Variants in OSBPL9 observed in about 807,000 individuals in gnomAD.
The protein encoded by OSBPL9 is oxysterol-binding protein-related protein 9.
OSBPL9 carries 40 observed loss-of-function variants against 106.6 expected under a neutral mutation model. The observed-to-expected ratio is 0.38, with a 90% CI of 0.29 to 0.49. The LOEUF (loss-of-function observed/expected upper bound fraction) is 0.49, where lower values mean the gene tolerates loss of function less well. Ranked by LOEUF, OSBPL9 falls within the 20% of genes least tolerant of loss-of-function variation. The pLI, the probability that OSBPL9 is intolerant of heterozygous loss-of-function variation, is 0.97. For missense variants in OSBPL9, 609 were observed against 887.2 expected, an observed-to-expected ratio of 0.69 and a Z score of 3.98; for synonymous variants, 269 against 295.4, an observed-to-expected ratio of 0.91 and a Z score of 0.92.
chr1:51,783,544 GAGGGTCAACTGTACATACCC>G (rs1050043830), intron 17 of OSBPL9, among the ~76,000 whole-genome samples: 22 of 152,098 alleles, frequency 1.4e-4, no homozygotes, highest in African/African-American at 5.3e-4. Flanking sequence ...CATGGATATG[GAGGGTCAACTGTACATACCC>G]TCAACATCTG....
chr1:51,687,232 A>G (rs962547919), intron 3 of OSBPL9, among the ~76,000 whole-genome samples: 2 of 152,196 alleles, frequency 1.3e-5, no homozygotes, highest in African/African-American at 4.8e-5. Context: ...ATGGAGTGCT[A>G]TTCAGGGGGT....
intron 7 of OSBPL9, among the ~76,000 whole-genome samples, chr1:51,748,626 G>A (rs986012706): frequency 1.3e-5 from 2 of 151,966 alleles, no homozygotes; most frequent in Admixed American, 1.3e-4. Flanking sequence ...CCTGTTTCTG[G>A]TCTCGTTTGA....
At chr1:51,681,884 G>A (rs2148801558) in intron 3 of OSBPL9, among the ~76,000 whole-genome samples, 2 of 152,276 alleles carry the variant, frequency 1.3e-5, no homozygotes, top group Middle Eastern at 3.4e-3. Flanking sequence ...TGTGTAAATA[G>A]TTATCATACT....
the OSBPL9 span, among the ~76,000 whole-genome samples, chr1:51,526,449 C>A: frequency 2.0e-5 from 3 of 152,166 alleles, no homozygotes; most frequent in African/African-American, 7.2e-5. Context: ...TCTGGAGATT[C>A]TCTTTTTTGT....
At chr1:51,643,383 T>G (rs1488454832) in intron 1 of OSBPL9, among the ~76,000 whole-genome samples, 1 of 152,182 alleles carries the variant, frequency 6.6e-6, no homozygotes, top group African/African-American at 2.4e-5. Flanking sequence ...GCTTCCCTCC[T>G]CAGGGAACTG....
intron 2 of OSBPL9, among the ~76,000 whole-genome samples, chr1:51,653,958 T>C (rs1646671395): frequency 1.3e-5 from 2 of 151,312 alleles, no homozygotes; most frequent in South Asian, 4.2e-4. Context: ...GCCATAATTG[T>C]GCCACTGCCT....
intron 14 of OSBPL9, among the ~76,000 whole-genome samples, chr1:51,774,942 G>A (rs1674717780): frequency 6.6e-6 from 1 of 151,916 alleles, no homozygotes; most frequent in Non-Finnish European, 1.5e-5. Context: ...CAGTTCCTTT[G>A]TCCATTTATC....
At chr1:51,643,023 G>A (rs1645905762) in intron 1 of OSBPL9, among the ~76,000 whole-genome samples, 1 of 152,222 alleles carries the variant, frequency 6.6e-6, no homozygotes, top group South Asian at 2.1e-4. Flanking sequence ...CATGGTTTTA[G>A]CAGCTGGAAG....
intron 1 of OSBPL9, among the ~76,000 whole-genome samples, chr1:51,634,199 A>G (rs1041786818): frequency 6.6e-5 from 10 of 152,060 alleles, no homozygotes; most frequent in Admixed American, 5.9e-4. Flanking sequence ...TGGGCCCTCT[A>G]TTAGTCTTTG....
At chr1:51,677,063 G>A (rs1464734951) in intron 3 of OSBPL9, among the ~76,000 whole-genome samples, 1 of 152,212 alleles carries the variant, frequency 6.6e-6, no homozygotes, top group African/African-American at 2.4e-5. Flanking sequence ...AAGTGGCAGA[G>A]CCAAGATTCG....
intron 3 of OSBPL9, among the ~76,000 whole-genome samples, chr1:51,700,254 C>T (rs773736611): frequency 6.6e-6 from 1 of 152,180 alleles, no homozygotes; most frequent in Non-Finnish European, 1.5e-5. Context: ...CTTCCTCTTG[C>T]TTTGGGCTCT....
At chr1:51,675,701 T>C (rs1651019529) in intron 3 of OSBPL9, among the ~76,000 whole-genome samples, 1 of 152,206 alleles carries the variant, frequency 6.6e-6, no homozygotes, top group Non-Finnish European at 1.5e-5. Flanking sequence ...TGAAAAGTAG[T>C]TGCACATTAG....
At chr1:51,685,086 T>G (rs1392843414) in intron 3 of OSBPL9, among the ~76,000 whole-genome samples, 1 of 152,146 alleles carries the variant, frequency 6.6e-6, no homozygotes, top group South Asian at 2.1e-4. Context: ...GTACTCAATT[T>G]ATTCCCTTCT....
the OSBPL9 span, among the ~76,000 whole-genome samples, chr1:51,552,801 T>A: frequency 6.6e-6 from 1 of 151,968 alleles, no homozygotes; most frequent in Non-Finnish European, 1.5e-5. Flanking sequence ...ATTTTTTTAT[T>A]TTTAGTAGAG....
intron 8 of OSBPL9, 22 bp downstream of exon 8, chr1:51,750,217 T>C (rs755121952): frequency 1.3e-6 from 2 of 1,582,940 alleles, no homozygotes; most frequent in Non-Finnish European, 1.7e-6. Flanking sequence ...TTACTTTCAA[T>C]TACCTTTGTG....
At chr1:51,761,071 C>G (rs552244798) in intron 10 of OSBPL9, among the ~76,000 whole-genome samples, 80 of 152,306 alleles carry the variant, frequency 5.3e-4, no homozygotes, top group African/African-American at 1.8e-3. Flanking sequence ...ACTCAGAATT[C>G]ATGGCTAGCG....
intron 8 of OSBPL9, among the ~76,000 whole-genome samples, chr1:51,753,852 C>T (rs1399456441): frequency 6.6e-6 from 1 of 152,174 alleles, no homozygotes; most frequent in South Asian, 2.1e-4. Flanking sequence ...GTTCTGATTC[C>T]TGGCTCCCAT....
Position 51,783,925 on chromosome 1 carries a change from T to C in OSBPL9, c.1524T>C (p.Phe508=). 6.2e-7 allele frequency: 1 copy of C among 1,611,978 alleles called. No homozygotes were observed. Among genetic ancestry groups the C allele is most frequent in the South Asian group, 1.1e-5 (1 of 91,024 alleles). The part of the protein sequence containing the change: ...QVSHHPPISA[F]YAECFNKKIQ... The stretch of plus-strand genomic sequence containing the variant: ...AAAATTTCTATTCAGTTTCAGCCTT[T>C]TATGCTGAGTGTTTTAACAAGAAGA... Residue 508 remains phenylalanine, a synonymous_variant, in exon 18 of 24, where the codon TTT becomes TTC. Transcript: ENST00000428468.
At chr1:51,654,917 C>T (rs969221495) in intron 2 of OSBPL9, among the ~76,000 whole-genome samples, 22 of 151,826 alleles carry the variant, frequency 1.4e-4, no homozygotes, top group African/African-American at 4.8e-4. Context: ...GTTGGGAGTA[C>T]GGGAGATGGG....
Sources: allele counts gnomAD v4.1 joint callset (sites outside exome capture counted in the v4.1 genomes callset), GRCh38; gene constraint gnomAD v4.1.1; transcripts MANE v1.5; gene names NCBI Gene and HGNC (gene_info 2026-07-23, HGNC 2026-07-21).